TENM1: variants seen among roughly 807,000 people sequenced by gnomAD.
The protein encoded by TENM1 is teneurin-1.
A neutral mutation model predicts 174.8 loss-of-function variants in TENM1; 35 were observed. The ratio of observed to expected loss-of-function variants is 0.20; its 90% CI spans 0.15 to 0.27. TENM1 has a LOEUF of 0.27. TENM1 is among the 10% of genes least tolerant of loss of function. TENM1 has a pLI of 1.00. For synonymous variants in TENM1, 781 were observed against 798.7 expected (o/e 0.98, Z 0.37); for missense variants, 1,633 against 2,130.1 (o/e 0.77, Z 4.59).
At chrX:124,949,401 G>A (rs1227530731) in intron 1 of TENM1, among the ~76,000 whole-genome samples, 4 of 111,846 alleles carry the variant, frequency 3.6e-5, no homozygotes, top group African/African-American at 1.3e-4. Context: ...GTTTATAAAA[G>A]TAAATAAGGC....
chrX:124,766,436 G>A (rs1772110050), intron 3 of TENM1, among the ~76,000 whole-genome samples: 1 of 111,412 alleles, frequency 9.0e-6, no homozygotes, highest in African/African-American at 3.2e-5. Flanking sequence ...TTTTGTTTCA[G>A]TTTTGTATAT....
intron 1 of TENM1, among the ~76,000 whole-genome samples, chrX:124,945,785 G>T (rs1005275652): frequency 9.0e-6 from 1 of 111,123 alleles, no homozygotes; most frequent in Non-Finnish European, 1.9e-5. Flanking sequence ...AAGGGATTGT[G>T]TGTAGGAAGT....
At chrX:124,625,789 T>A (rs1170467860) in intron 11 of TENM1, among the ~76,000 whole-genome samples, 2 of 110,498 alleles carry the variant, frequency 1.8e-5, no homozygotes, top group Non-Finnish European at 3.8e-5. Context: ...AAGAGCAGCA[T>A]CAAGGGGATC....
chrX:124,648,514 C>T (rs1280592714), intron 8 of TENM1, among the ~76,000 whole-genome samples: 1 of 112,359 alleles, frequency 8.9e-6, no homozygotes, highest in African/African-American at 3.2e-5. Flanking sequence ...ATGTAGCATT[C>T]AGCAAAGAGC....
At chrX:124,864,904 G>C (rs899803776) in intron 3 of TENM1, among the ~76,000 whole-genome samples, 1 of 111,318 alleles carries the variant, frequency 9.0e-6, no homozygotes, top group Non-Finnish European at 1.9e-5. Flanking sequence ...ACTCCAATAT[G>C]TCTGGCAGCA....
At chrX:124,613,130 T>C (rs1294477040) in intron 11 of TENM1, among the ~76,000 whole-genome samples, 1 of 111,804 alleles carries the variant, frequency 8.9e-6, no homozygotes, top group Non-Finnish European at 1.9e-5. Flanking sequence ...ATAAGGTTGC[T>C]ATAGAAAGAT....
At position 124,482,871 on chromosome X, in the gene TENM1, T is replaced by C. The variant is rs919279931; in HGVS notation, c.3717-907A>G. ...TTACTTGAACCTAAGGTTTGTGTAA[T>C]ACTGACATCATCCAAACCCCAAATG... is the stretch of plus-strand genomic sequence containing the variant. On this transcript the variant is annotated intron_variant, in intron 21 of 31. Transcript: ENST00000422452. Among the ~76,000 whole-genome samples, 4 of 112,243 alleles carry C rather than the reference T, an allele frequency of 3.6e-5. 1 individual carries two copies. The Admixed American group carries it at 3.8e-4, about 11-fold the overall frequency.
intron 15 of TENM1, among the ~76,000 whole-genome samples, chrX:124,530,726 C>T (rs773245357): frequency 5.3e-5 from 6 of 112,176 alleles, no homozygotes; most frequent in African/African-American, 1.9e-4. Context: ...TGGTATACTG[C>T]TTTTCTTGCC....
chrX:124,771,855 A>C (rs1447869455), intron 3 of TENM1, among the ~76,000 whole-genome samples: 1 of 112,118 alleles, frequency 8.9e-6, no homozygotes, highest in African/African-American at 3.2e-5. Flanking sequence ...ACATTTAAGA[A>C]AATGTGTAGA....
At chrX:124,920,326 T>G (rs2057999879) in intron 1 of TENM1, among the ~76,000 whole-genome samples, 1 of 111,895 alleles carries the variant, frequency 8.9e-6, no homozygotes, top group South Asian at 3.7e-4. Context: ...GTCATGGATA[T>G]CTTTCCTGTG....
chrX:124,460,477 A>G (rs1460435300), intron 22 of TENM1, among the ~76,000 whole-genome samples: 1 of 111,297 alleles, frequency 9.0e-6, no homozygotes, highest in Non-Finnish European at 1.9e-5. Context: ...CTAATACAGG[A>G]ACAGAAAACC....
chrX:124,675,678 G>C (rs1289876515), intron 5 of TENM1, among the ~76,000 whole-genome samples: 3 of 106,996 alleles, frequency 2.8e-5, no homozygotes, highest in African/African-American at 1.0e-4. Context: ...TTACATGAGA[G>C]GGTAGTGGGT....
chrX:124,483,980 C>G (rs2046900801), intron 21 of TENM1, among the ~76,000 whole-genome samples: 1 of 112,100 alleles, frequency 8.9e-6, no homozygotes, highest in Non-Finnish European at 1.9e-5. Context: ...TGTTCTCTTT[C>G]TGTTCCAGGA....
intron 20 of TENM1, among the ~76,000 whole-genome samples, chrX:124,494,886 C>A (rs1475876727): frequency 3.1e-4 from 31 of 99,386 alleles, no homozygotes; most frequent in Admixed American, 7.8e-4. Context: ...TGTATATGTG[C>A]CACATTTTCT....
chrX:124,897,507 C>T (rs1198104738), intron 1 of TENM1, among the ~76,000 whole-genome samples: 1 of 111,470 alleles, frequency 9.0e-6, no homozygotes, highest in Non-Finnish European at 1.9e-5. Flanking sequence ...GGAAAGCAAG[C>T]AGAATATGAA....
chrX:124,705,142 G>A (rs1569402825), exon 5 of TENM1: 2 of 1,209,507 alleles, frequency 1.7e-6, no homozygotes, highest in East Asian at 3.0e-5. Context: ...GTGCTTCGAG[G>A]AAGAGGCCTG....
chrX:124,959,590 G>C (rs1161968839), intron 1 of TENM1, among the ~76,000 whole-genome samples: 1 of 110,763 alleles, frequency 9.0e-6, no homozygotes, highest in Non-Finnish European at 1.9e-5. Context: ...CAACAGCCCA[G>C]ATCTGTTCTG....
intron 6 of TENM1, among the ~76,000 whole-genome samples, chrX:124,654,011 A>G (rs1404890734): frequency 9.0e-6 from 1 of 111,575 alleles, no homozygotes; most frequent in Non-Finnish European, 1.9e-5. Context: ...TATTGCATTT[A>G]TTTCAATCAA....
At chrX:125,008,043 A>C in the TENM1 span, among the ~76,000 whole-genome samples, 21 of 111,393 alleles carry the variant, frequency 1.9e-4, no homozygotes, top group African/African-American at 6.2e-4. Context: ...ATTAACCTTA[A>C]ATTTAAATGG....
Sources: gnomAD v4.1 joint callset for allele counts (sites outside exome capture counted in the v4.1 genomes callset) on GRCh38, gnomAD v4.1.1 for gene constraint, MANE v1.5 for transcripts, NCBI Gene and HGNC (gene_info 2026-07-23, HGNC 2026-07-21) for gene names.